Variants in RAP1GDS1 observed in about 807,000 individuals in gnomAD.
RAP1GDS1 encodes Rap1 GTPase-GDP dissociation stimulator 1.
A neutral mutation model predicts 71.1 loss-of-function variants in RAP1GDS1; 35 were observed. The ratio of observed to expected loss-of-function variants is 0.49; its 90% CI spans 0.38 to 0.65. The LOEUF (loss-of-function observed/expected upper bound fraction) is 0.65, where lower values mean the gene tolerates loss of function less well. Ranked by LOEUF, RAP1GDS1 falls within the 30% of genes least tolerant of loss-of-function variation. The pLI, the probability that RAP1GDS1 is intolerant of heterozygous loss-of-function variation, is 0.00. For missense variants in RAP1GDS1, 663 were observed against 706.1 expected, an observed-to-expected ratio of 0.94 and a Z score of 0.69; for synonymous variants, 229 against 243.1, an observed-to-expected ratio of 0.94 and a Z score of 0.54.
intron 2 of RAP1GDS1, among the ~76,000 whole-genome samples, chr4:98,335,599 CT>C (rs1354098985): frequency 3.3e-5 from 5 of 151,412 alleles, no homozygotes; most frequent in Admixed American, 3.3e-4. Flanking sequence ...AATGTAGCTT[CT>C]TTTTAAAAAA....
intron 2 of RAP1GDS1, among the ~76,000 whole-genome samples, chr4:98,312,695 A>G (rs79336042): frequency 6.6e-6 from 1 of 151,858 alleles, no homozygotes; most frequent in Non-Finnish European, 1.5e-5. Context: ...GCATGTGTGT[A>G]TGTGTATGTT....
chr4:98,306,210 C>G (rs747832335), intron 2 of RAP1GDS1, among the ~76,000 whole-genome samples: 10 of 152,090 alleles, frequency 6.6e-5, no homozygotes, highest in Admixed American at 2.6e-4. Flanking sequence ...AACAGAATAC[C>G]ACACACCGGC....
chr4:98,403,750 T>C (rs1358667428), intron 6 of RAP1GDS1, among the ~76,000 whole-genome samples: 2 of 152,166 alleles, frequency 1.3e-5, no homozygotes, highest in East Asian at 3.8e-4. Flanking sequence ...TTTATACAGG[T>C]CTTGTGGAAA....
At chr4:98,337,026 C>G (rs1389003186) in intron 2 of RAP1GDS1, among the ~76,000 whole-genome samples, 1 of 152,138 alleles carries the variant, frequency 6.6e-6, no homozygotes, top group African/African-American at 2.4e-5. Flanking sequence ...TCCCGAGTAG[C>G]TGGGATTACA....
At chr4:98,336,806 C>G (rs1472288196) in intron 2 of RAP1GDS1, among the ~76,000 whole-genome samples, 1 of 152,092 alleles carries the variant, frequency 6.6e-6, no homozygotes, top group Non-Finnish European at 1.5e-5. Flanking sequence ...ATTAATTTCT[C>G]ATTTTTCTGG....
chr4:98,340,513 C>G (rs1020612757), intron 2 of RAP1GDS1, among the ~76,000 whole-genome samples: 3 of 152,028 alleles, frequency 2.0e-5, no homozygotes, highest in East Asian at 1.9e-4. Flanking sequence ...TAAGGTAGAT[C>G]ACTTGAGGCA....
intron 3 of RAP1GDS1, 133 bp from the exon 4 acceptor site, chr4:98,352,343 A>G: frequency 3.2e-6 from 3 of 932,186 alleles, no homozygotes; most frequent in Non-Finnish European, 4.7e-6. Flanking sequence ...GTACTCTTCA[A>G]ATATTCAGCC....
chr4:98,307,053 CTTA>C (rs1210762791), intron 2 of RAP1GDS1, among the ~76,000 whole-genome samples: 1 of 151,440 alleles, frequency 6.6e-6, no homozygotes, highest in Non-Finnish European at 1.5e-5. Context: ...TATATGTCTT[CTTA>C]TTATAATTAA....
intron 4 of RAP1GDS1, among the ~76,000 whole-genome samples, chr4:98,377,398 CTAAA>C (rs1203699758): frequency 6.6e-6 from 1 of 151,826 alleles, no homozygotes; most frequent in Non-Finnish European, 1.5e-5. Context: ...AATTAGATTT[CTAAA>C]TGAGATTTGA....
rs753977835 is a variant in RAP1GDS1, at chr4:98,404,533, T to C, written c.694T>C (p.Phe232Leu). Residue 232 changes from phenylalanine to leucine, a missense_variant, in exon 7 of 15, where the codon TTC becomes CTC. By Grantham distance (22) the Phe-to-Leu change is conservative. Coordinates refer to ENST00000408927, the MANE Select transcript of RAP1GDS1 (RefSeq NM_001100427.2). Reference sequence around the variant, plus strand: ...CATTGCTGAAGAGCTAGTAAAACTCTTCAAGAAACAAATAGAACATGATAA... The same window carrying C: ...CATTGCTGAAGAGCTAGTAAAACTCCTCAAGAAACAAATAGAACATGATAA... ...TNIAEELVKL[F>L]KKQIEHDKRE... 6.2e-7 allele frequency: 1 copy of C among 1,608,820 alleles called. No homozygotes were observed. Among genetic ancestry groups the C allele is most frequent in the South Asian group, 1.1e-5 (1 of 89,918 alleles).
At chr4:98,356,366 C>T (rs1737971760) in intron 4 of RAP1GDS1, among the ~76,000 whole-genome samples, 1 of 151,974 alleles carries the variant, frequency 6.6e-6, no homozygotes, top group South Asian at 2.1e-4. Flanking sequence ...TTTTAAATTG[C>T]TGATATACTT....
chr4:98,306,943 T>C (rs2110309088), intron 2 of RAP1GDS1, among the ~76,000 whole-genome samples: 1 of 152,224 alleles, frequency 6.6e-6, no homozygotes, highest in Non-Finnish European at 1.5e-5. Context: ...CATCATTAGG[T>C]TTCATCATTA....
chr4:98,333,633 G>T (rs1038896835), intron 2 of RAP1GDS1, among the ~76,000 whole-genome samples: 5 of 151,980 alleles, frequency 3.3e-5, no homozygotes, highest in African/African-American at 9.7e-5. Context: ...TGCCTGAAAA[G>T]TTCATGGGTA....
chr4:98,381,080 A>G (rs1454351172), intron 5 of RAP1GDS1, among the ~76,000 whole-genome samples: 7 of 151,738 alleles, frequency 4.6e-5, no homozygotes, highest in Admixed American at 4.6e-4. Flanking sequence ...GTCTAACTGT[A>G]TAATATATAT....
rs755291869 is a variant in RAP1GDS1 at position 98,293,505 on chromosome 4, G to A, written c.102G>A (p.Leu34=). 3 of 1,602,864 alleles carry A rather than the reference G, an allele frequency of 1.9e-6. No homozygotes were observed. Among genetic ancestry groups the A allele is most frequent in the East Asian group, 2.2e-5 (1 of 44,692 alleles). The change falls in exon 2 of 15, where the codon CTG becomes CTA. Residue 34 remains leucine, a synonymous_variant. Coordinates refer to ENST00000408927, the MANE Select transcript of RAP1GDS1 (RefSeq NM_001100427.2). The part of the protein sequence containing the change: ...EGCLDCLLQA[L]AQNNTETSEK... The stretch of plus-strand genomic sequence containing the variant: ...GCTTGGATTGTCTGCTTCAAGCCCT[G>A]GCTCAAAATAGTAAGTTTCATTATG...
At chr4:98,403,015 A>G (rs577211007) in intron 6 of RAP1GDS1, among the ~76,000 whole-genome samples, 32 of 152,212 alleles carry the variant, frequency 2.1e-4, no homozygotes, top group Non-Finnish European at 4.1e-4. Context: ...CATCAACTCT[A>G]GGTGGGAAAG....
chr4:98,437,188 G>T (rs1395006446), intron 14 of RAP1GDS1, 120 bp downstream of exon 14: 3 of 1,074,872 alleles, frequency 2.8e-6, no homozygotes, highest in African/African-American at 3.2e-5. Context: ...GTTTATGGAG[G>T]TTATAAGATA....
intron 1 of RAP1GDS1, among the ~76,000 whole-genome samples, chr4:98,281,321 C>T (rs921982350): frequency 5.9e-5 from 9 of 152,120 alleles, no homozygotes; most frequent in African/African-American, 1.9e-4. Flanking sequence ...TTGAAGAGGT[C>T]GTTCACATCC....
intron 4 of RAP1GDS1, among the ~76,000 whole-genome samples, chr4:98,361,076 CA>C (rs1210869882): frequency 0.25 from 20,669 of 81,950 alleles, 2,040 homozygotes; most frequent in African/African-American, 0.44. Flanking sequence ...GACTCTGTCT[CA>C]AAAAAAAAAA....
Sources: gnomAD v4.1 joint callset for allele counts (sites outside exome capture counted in the v4.1 genomes callset) on GRCh38, gnomAD v4.1.1 for gene constraint, MANE v1.5 for transcripts, NCBI Gene and HGNC (gene_info 2026-07-23, HGNC 2026-07-21) for gene names.